RCBTB2: variants seen among roughly 807,000 people sequenced by gnomAD.
RCBTB2 encodes RCC1 and BTB domain containing protein 2.
Under a neutral mutation model 65.4 loss-of-function variants are expected in RCBTB2, and 55 were observed. The ratio of observed to expected loss-of-function variants is 0.84; its 90% confidence interval spans 0.68 to 1.05. The LOEUF is 1.05. Among genes scored for constraint, RCBTB2 ranks in the 50% least tolerant of loss-of-function variants. The pLI is 0.00. For missense variants in RCBTB2, 599 were observed against 680.1 expected, an observed-to-expected ratio of 0.88 and a Z score of 1.33; for synonymous variants, 220 against 255.2, an observed-to-expected ratio of 0.86 and a Z score of 1.31.
At chr13:48,516,175 T>C (rs954065289) in intron 4 of RCBTB2, among the ~76,000 whole-genome samples, 1 of 152,104 alleles carries the variant, frequency 6.6e-6, no homozygotes, top group Non-Finnish European at 1.5e-5. Flanking sequence ...AGAACAACGC[T>C]GAAAGTGACA....
At chr13:48,525,502 T>A (rs977184049) in intron 1 of RCBTB2, among the ~76,000 whole-genome samples, 9 of 150,062 alleles carry the variant, frequency 6.0e-5, no homozygotes, top group African/African-American at 2.2e-4. Flanking sequence ...TCTTTTCCAT[T>A]TTTCTACTTT....
chr13:48,525,372 T>TTATATA (rs1951654371), intron 1 of RCBTB2, among the ~76,000 whole-genome samples: 3 of 67,534 alleles, frequency 4.4e-5, no homozygotes, highest in African/African-American at 1.6e-4. Flanking sequence ...AAAGGATTCA[T>TTATATA]GATATATATA....
upstream of RCBTB2, chr13:48,533,117 T>A (rs764499371): frequency 3.5e-5 from 15 of 429,870 alleles, 1 homozygote; most frequent in South Asian, 2.4e-4. Context: ...AGTTGGCGCC[T>A]CCCCCTGAAA....
rs755977341 is a variant in RCBTB2 at position 48,515,342 on chromosome 13, C to T, written c.212G>A (p.Gly71Asp). Residue 71 changes from glycine (G) to aspartate (D), a missense_variant, in exon 6 of 15, where the codon GGC becomes GAC. Gly to Asp is a moderately conservative substitution (Grantham distance 94). Transcript: ENST00000344532. ...TTVNDEIFVLGTNCCGCLGLG... is the reference protein window; with the variant it reads ...TTVNDEIFVLDTNCCGCLGLG... The stretch of plus-strand genomic sequence containing the variant: ...CCCCAAACAGCCACAGCAGTTTGTG[C>T]CAAGCACAAAAATCTATGGGAAAAA... 3.1e-6 allele frequency: 5 copies of T among 1,612,870 alleles called. No individual in the cohort carries two copies. In the Admixed American group the frequency reaches 5.0e-5, roughly 16 times the overall value.
Position 48,527,339 on chromosome 13 carries a change from T to TATATATATATATATCATATATATATATG in RCBTB2, c.-218-2583_-218-2582insCATATATATATATGATATATATATATAT, listed in dbSNP as rs1195644739. 3.6e-4 allele frequency among the ~76,000 whole-genome samples: 43 copies of TATATATATATATATCATATATATATATG among 118,008 alleles called. 2 individuals carry two copies. The highest frequency in any genetic ancestry group is 2.6e-3 in the African/African-American group (42 of 16,316). The allele number at this position is 118,008 out of a possible 152,430, so 77.4% of individuals were successfully genotyped here. A position where few individuals can be genotyped will look rare whatever the true frequency, so the allele number is the denominator to read the frequency against. ...TTGGCTCATATATATATATATATGATATATATATATATGATATATATTTAT... is the reference window on the plus strand; with the variant it reads ...TTGGCTCATATATATATATATATGATATATATATATATATCATATATATATATGATATATATATATGATATATATTTAT... On this transcript the variant is annotated intron_variant, in intron 1 of 14. Coordinates refer to ENST00000344532, the MANE Select transcript of RCBTB2 (RefSeq NM_001268.4).
intron 1 of RCBTB2, among the ~76,000 whole-genome samples, chr13:48,527,369 G>GTT (rs1951847641): frequency 1.0e-5 from 1 of 99,854 alleles, no homozygotes; most frequent in African/African-American, 5.0e-5. Context: ...ATTTATATAT[G>GTT]ATATATATAT....
At chr13:48,511,400 G>A (rs1414719747) in intron 9 of RCBTB2, among the ~76,000 whole-genome samples, 1 of 151,896 alleles carries the variant, frequency 6.6e-6, no homozygotes, top group East Asian at 1.9e-4. Flanking sequence ...TTTTATTAAA[G>A]TTATCCTCTT....
intron 13 of RCBTB2, among the ~76,000 whole-genome samples, chr13:48,497,345 T>A (rs1454878168): frequency 1.3e-5 from 2 of 152,214 alleles, no homozygotes; most frequent in Admixed American, 1.3e-4. Context: ...AGTCCTGTTA[T>A]ATTACCTGTC....
rs1435296496 is a variant in RCBTB2, at chr13:48,524,664, T to A, written c.-125A>T. ...CCCTCCAAAAACTTTTGTACCTGAT[T>A]GTTTTAAATTTCTGGAACCCAGTAT... On this transcript the variant is annotated 5_prime_UTR_variant, in exon 2 of 15. Transcript: ENST00000344532. 1.3e-5 allele frequency: 2 copies of A among 152,244 alleles called. No individual in the cohort carries two copies. The highest frequency in any genetic ancestry group is 2.9e-5 in the Non-Finnish European group (2 of 68,032). 9.4% of individuals were successfully genotyped at this position (152,244 alleles called of 1,614,324 possible).
chr13:48,525,838 T>A (rs1951699879), intron 1 of RCBTB2, among the ~76,000 whole-genome samples: 1 of 152,146 alleles, frequency 6.6e-6, no homozygotes. Context: ...ACATATGGTA[T>A]CATTTGATAA....
chr13:48,518,449 A>G (rs1951215297), intron 4 of RCBTB2, among the ~76,000 whole-genome samples: 1 of 131,396 alleles, frequency 7.6e-6, no homozygotes, highest in African/African-American at 3.3e-5. Context: ...TTAATTACAG[A>G]GTACTTTGCA....
At chr13:48,528,794 G>A (rs1470879301) in intron 1 of RCBTB2, among the ~76,000 whole-genome samples, 3 of 152,092 alleles carry the variant, frequency 2.0e-5, no homozygotes, top group Admixed American at 1.3e-4. Context: ...ACAAGTAACA[G>A]TAAAATACCT....
At chr13:48,516,898 T>C (rs959437728) in intron 4 of RCBTB2, among the ~76,000 whole-genome samples, 6 of 152,242 alleles carry the variant, frequency 3.9e-5, no homozygotes, top group Non-Finnish European at 5.9e-5. Context: ...CCAATATGTC[T>C]ATCAAATGGC....
chr13:48,533,190 A>G (rs1476254807), upstream of RCBTB2: 11 of 355,862 alleles, frequency 3.1e-5, no homozygotes, highest in Admixed American at 6.8e-5. Context: ...GGGAGCGCAG[A>G]CAAGAGGAGG....
upstream of RCBTB2, among the ~76,000 whole-genome samples, chr13:48,535,385 A>T (rs1952351076): frequency 6.6e-6 from 1 of 151,648 alleles, no homozygotes; most frequent in South Asian, 2.1e-4. Flanking sequence ...CCTCCCAAGT[A>T]GTTGGAACGG....
chr13:48,528,731 A>G (rs541189906), intron 1 of RCBTB2, among the ~76,000 whole-genome samples: 1 of 152,216 alleles, frequency 6.6e-6, no homozygotes, highest in African/African-American at 2.4e-5. Context: ...GCAAAAAGGG[A>G]TAGTGTTAGC....
chr13:48,518,470 AAAATAT>A (rs1158649092), intron 4 of RCBTB2, among the ~76,000 whole-genome samples: 21 of 130,848 alleles, frequency 1.6e-4, no homozygotes, highest in African/African-American at 7.1e-4. Context: ...AAAAAAAAAA[AAAATAT>A]ATATATATAT....
rs1272143816 is a variant in RCBTB2 at position 48,511,788 on chromosome 13, T to C, written c.765A>G (p.Gln255=). 1.9e-6 allele frequency: 3 copies of C among 1,614,124 alleles called. No homozygotes were observed. The highest frequency in any genetic ancestry group is 1.1e-5 in the South Asian group (1 of 91,082). The part of the protein sequence containing the change: ...QPTPCRVAAL[Q]GIRVQRVACG... Reference sequence around the variant, plus strand: ...GACGTACCCTCTGGACACGGATGCCTTGCAAAGCTGCCACTCTGCAAGGGG... The same window carrying C: ...GACGTACCCTCTGGACACGGATGCCCTGCAAAGCTGCCACTCTGCAAGGGG... The change falls in exon 9 of 15, where the codon CAA becomes CAG. Residue 255 remains glutamine (Q), a synonymous_variant. Coordinates refer to ENST00000344532, the MANE Select transcript of RCBTB2 (RefSeq NM_001268.4).
intron 5 of RCBTB2, 52 bp from the exon 6 acceptor site, chr13:48,515,407 T>A: frequency 6.4e-7 from 1 of 1,552,008 alleles, no homozygotes; most frequent in Non-Finnish European, 8.8e-7. Flanking sequence ...AACAAATCTA[T>A]AAATTACATC....
Sources: allele counts gnomAD v4.1 joint callset (sites outside exome capture counted in the v4.1 genomes callset), GRCh38; gene constraint gnomAD v4.1.1; transcripts MANE v1.5; gene names NCBI Gene and HGNC (gene_info 2026-07-23, HGNC 2026-07-21).